FCRL1: variants seen among roughly 807,000 people sequenced by gnomAD.
FCRL1 encodes Fc receptor-like protein 1.
In FCRL1, 34 loss-of-function variants were observed where a neutral mutation model predicts 49.2. The ratio of observed to expected loss-of-function variants is 0.69; its 90% CI spans 0.53 to 0.92. FCRL1 has a LOEUF of 0.92. Ranked by LOEUF, FCRL1 falls within the 40% of genes least tolerant of loss-of-function variation. FCRL1 has a pLI of 0.00. For missense variants in FCRL1, 524 were observed against 524.1 expected (o/e 1.00, Z 0.00); for synonymous variants, 218 against 201.6 (o/e 1.08, Z -0.69).
intron 9 of FCRL1, 67 bp from the exon 10 acceptor site, chr1:157,797,199 A>G: frequency 7.0e-7 from 1 of 1,436,636 alleles, no homozygotes; most frequent in Non-Finnish European, 9.8e-7. Flanking sequence ...AACTTGTGTT[A>G]AGAAAAGCTT....
chr1:157,803,869 T>G lies in FCRL1; in HGVS notation c.295A>C (p.Arg99=). ...CTGTGCACATTTATCTGGGATCTCC[T>G]GCTCCTCAAGACTTTGGACGCCATT... ...QTMASKVLRS[R]RSQINVHRVP... The change falls in exon 3 of 11, where the codon AGG becomes CGG. Residue 99 remains arginine, a synonymous_variant. Coordinates refer to ENST00000368176, the MANE Select transcript of FCRL1 (RefSeq NM_052938.5). The G allele has an allele frequency of 6.2e-7, 1 of 1,614,210 alleles. No homozygotes were observed. Among genetic ancestry groups the G allele is most frequent in the South Asian group, 1.1e-5 (1 of 91,084 alleles).
chr1:157,811,856 A>G (rs1654360725), intron 1 of FCRL1, among the ~76,000 whole-genome samples: 1 of 152,146 alleles, frequency 6.6e-6, no homozygotes, highest in Non-Finnish European at 1.5e-5. Context: ...TCTCCATCCT[A>G]GTGGCTTCAG....
intron 8 of FCRL1, 57 bp downstream of exon 8, chr1:157,798,104 T>A: frequency 6.4e-7 from 1 of 1,562,226 alleles, no homozygotes; most frequent in Non-Finnish European, 8.8e-7. Context: ...GTTATCCCAT[T>A]GTCCCTTCCC....
chr1:157,804,232 C>T (rs1006254158), intron 2 of FCRL1, 121 bp from the exon 3 acceptor site: 19 of 1,216,630 alleles, frequency 1.6e-5, no homozygotes, highest in East Asian at 2.4e-5. Context: ...ACACAGGCCA[C>T]CCTACATGTC....
At chr1:157,810,590 C>G (rs749899740) in intron 1 of FCRL1, among the ~76,000 whole-genome samples, 2 of 152,046 alleles carry the variant, frequency 1.3e-5, no homozygotes, top group African/African-American at 2.4e-5. Context: ...AGCCACTGCA[C>G]CCAGCCGGGA....
chr1:157,804,429 A>T (rs916352706), intron 2 of FCRL1, among the ~76,000 whole-genome samples: 1 of 152,210 alleles, frequency 6.6e-6, no homozygotes, highest in South Asian at 2.1e-4. Context: ...CCAGTACAAT[A>T]ATACTGAAGA....
At chr1:157,810,300 C>T (rs201349710) in intron 1 of FCRL1, among the ~76,000 whole-genome samples, 2 of 146,220 alleles carry the variant, frequency 1.4e-5, no homozygotes, top group South Asian at 2.2e-4. Flanking sequence ...TTTCTTTTTT[C>T]TTTTTTTTTT....
intron 6 of FCRL1, 33 bp downstream of exon 6, chr1:157,801,428 A>C (rs766379575): frequency 9.1e-6 from 12 of 1,324,544 alleles, no homozygotes; most frequent in African/African-American, 7.2e-5. Flanking sequence ...CAAAGATCAC[A>C]GTAACAAAAT....
At chr1:157,797,639 T>C (rs777706824) in intron 9 of FCRL1, 20 of 1,113,006 alleles carry the variant, frequency 1.8e-5, no homozygotes, top group Non-Finnish European at 2.6e-5. Flanking sequence ...GTGACTATAA[T>C]TTAAGAAATT....
chr1:157,805,475 G>A (rs1290566639), intron 2 of FCRL1, among the ~76,000 whole-genome samples: 1 of 152,194 alleles, frequency 6.6e-6, no homozygotes, highest in Non-Finnish European at 1.5e-5. Context: ...TCCATCCATA[G>A]TACCAGAATA....
At position 157,801,948 on chromosome 1, in the gene FCRL1, G is replaced by A. The variant is rs777935171; in HGVS notation, c.853C>T (p.Gln285Ter). 2 of 1,614,158 alleles carry A rather than the reference G, an allele frequency of 1.2e-6. No individual in the cohort carries two copies. Among genetic ancestry groups the A allele is most frequent in the Non-Finnish European group, 8.5e-7 (1 of 1,179,998 alleles). ...SCEANNGLGA[Q>*]RSEAVTLNFT... is the part of the protein sequence containing the mutation. ...TTGAGTGTCACCGCCTCACTGCGCT[G>A]GGCCCCCAGGCCATTGTTGGCCTCA... Residue 285 changes from glutamine to a stop codon, truncating the protein, a stop_gained, in exon 5 of 11, where the codon CAG (glutamine) becomes TAG (stop). Coordinates refer to ENST00000368176, the MANE Select transcript of FCRL1 (RefSeq NM_052938.5). LOFTEE classifies it high-confidence loss of function.
At chr1:157,799,300 G>A (rs1202431166) in intron 7 of FCRL1, among the ~76,000 whole-genome samples, 2 of 152,038 alleles carry the variant, frequency 1.3e-5, no homozygotes, top group African/African-American at 2.4e-5. Flanking sequence ...GTGCCCAGCC[G>A]CAATGTGATT....
At position 157,802,022 on chromosome 1, in the gene FCRL1, G is replaced by C; in HGVS notation, c.779C>G (p.Ala260Gly). 6.2e-7 allele frequency: 1 copy of C among 1,614,216 alleles called. No individual in the cohort carries two copies. The highest frequency in any genetic ancestry group is 8.5e-7 in the Non-Finnish European group (1 of 1,180,028). ...TTCAGTCAGGGAAAGGTTGAAGGAG[G>C]CTCCTCCTCCAGAGGGGGCCGACCT... ...GSRSAPSGGG[A>G]SFNLSLTEEH... The change falls in exon 5 of 11, where the codon GCC becomes GGC. Residue 260 changes from alanine (A) to glycine (G), a missense_variant. By Grantham distance (60) the Ala-to-Gly change is moderately conservative. Transcript: ENST00000368176.
At chr1:157,798,017 C>T (rs1431629491) in intron 8 of FCRL1, 78 bp from the exon 9 acceptor site, 1 of 1,541,242 alleles carries the variant, frequency 6.5e-7, no homozygotes, top group Non-Finnish European at 9.0e-7. Context: ...TTCCACCTGT[C>T]ACAGCCATGA....
At chr1:157,807,880 G>A (rs971048004) in intron 1 of FCRL1, among the ~76,000 whole-genome samples, 5 of 152,104 alleles carry the variant, frequency 3.3e-5, no homozygotes, top group Non-Finnish European at 7.4e-5. Flanking sequence ...TTTCCTTGTC[G>A]GTAAAGTGTA....
chr1:157,818,139 C>G (rs541581667), intron 1 of FCRL1, among the ~76,000 whole-genome samples: 1 of 152,174 alleles, frequency 6.6e-6, no homozygotes, highest in African/African-American at 2.4e-5. Flanking sequence ...TATGGTTCAG[C>G]CATCCCACTA....
chr1:157,799,520 T>G (rs1170286199), intron 7 of FCRL1, among the ~76,000 whole-genome samples: 1 of 152,152 alleles, frequency 6.6e-6, no homozygotes, highest in Non-Finnish European at 1.5e-5. Context: ...GGGAGTTCAC[T>G]CATGATTTGT....
In FCRL1 at chr1:157,798,231, G is replaced by T. The variant is rs2101817096; in HGVS notation, c.1044C>A (p.Ser348Arg). ...SARDPLRSLPSPLPQEFTYLN... is the reference protein window; with the variant it reads ...SARDPLRSLPRPLPQEFTYLN... The stretch of plus-strand genomic sequence containing the variant: ...GGTAGGTGAACTCTTGGGGTAGAGG[G>T]CTGGGAAGGCTCCTGCAAACACAGA... Residue 348 changes from serine (S) to arginine (R), a missense_variant, in exon 8 of 11, where the codon AGC (serine) becomes AGA (arginine). Ser to Arg is a moderately radical substitution (Grantham distance 110). Coordinates refer to ENST00000368176, the MANE Select transcript of FCRL1 (RefSeq NM_052938.5). 1 of 1,611,040 alleles carries T rather than the reference G, an allele frequency of 6.2e-7. No homozygotes were observed. The highest frequency in any genetic ancestry group is 8.5e-7 in the Non-Finnish European group (1 of 1,178,630).
intron 2 of FCRL1, 50 bp downstream of exon 2, chr1:157,807,052 A>G: frequency 6.2e-7 from 1 of 1,611,170 alleles, no homozygotes; most frequent in Non-Finnish European, 8.5e-7. Context: ...TGCTGACCTA[A>G]GTAACAAAAT....
Sources: gnomAD v4.1 joint callset for allele counts (sites outside exome capture counted in the v4.1 genomes callset) on GRCh38, gnomAD v4.1.1 for gene constraint, MANE v1.5 for transcripts, NCBI Gene and HGNC (gene_info 2026-07-23, HGNC 2026-07-21) for gene names.